The following ABCC5 variants were observed in gnomAD, a reference collection of about 807,000 sequenced individuals.
ABCC5 encodes ATP-binding cassette sub-family C member 5.
Under a neutral mutation model 160.9 loss-of-function variants are expected in ABCC5, and 61 were observed. The observed-to-expected ratio is 0.38, with a 90% CI of 0.31 to 0.47. The LOEUF (loss-of-function observed/expected upper bound fraction) is 0.47. Among genes scored for constraint, ABCC5 ranks in the 20% least tolerant of loss-of-function variants. The probability of loss-of-function intolerance (pLI) is 0.99; values close to 1 mark genes in which losing one functional copy is unlikely to be tolerated. For synonymous variants in ABCC5, 666 were observed against 700.6 expected (o/e 0.95, Z 0.78); for missense variants, 1,308 against 1,813.3 (o/e 0.72, Z 5.06).
intron 23 of ABCC5, 152 bp from the exon 24 acceptor site, chr3:183,946,091 G>T: frequency 1.4e-6 from 1 of 737,518 alleles, no homozygotes; most frequent in South Asian, 1.5e-5. Context: ...GGCTTTTAAG[G>T]CATACCTGTT....
At position 183,965,236 on chromosome 3, in the gene ABCC5, G is replaced by A; in HGVS notation, c.1980C>T (p.Ser660=). The change falls in exon 14 of 30, where the codon AGC becomes AGT. Residue 660 remains serine (S), a synonymous_variant. Transcript: ENST00000334444. The part of the protein sequence containing the change: ...DEERYNSVLN[S]CCLRPDLAIL... ...TGGCCAGGTCAGGCCTCAGGCAGCA[G>A]CTGTTCAGCACAGAGTTGTATCTGG... 1 of 1,614,270 alleles carries A rather than the reference G, an allele frequency of 6.2e-7. No individual in the cohort carries two copies. The highest frequency in any genetic ancestry group is 8.5e-7 in the Non-Finnish European group (1 of 1,180,056).
chr3:183,985,360 T>C, intron 5 of ABCC5: 7 of 1,614,082 alleles, frequency 4.3e-6, no homozygotes, highest in Non-Finnish European at 5.9e-6. Context: ...GACCGCAGAA[T>C]ACAGCCATCC....
intron 2 of ABCC5, among the ~76,000 whole-genome samples, chr3:184,004,269 G>C (rs1316752172): frequency 6.6e-6 from 1 of 151,526 alleles, no homozygotes; most frequent in Admixed American, 6.6e-5. Context: ...CCAGCACTTT[G>C]GGAGGCCCAG....
intron 2 of ABCC5, among the ~76,000 whole-genome samples, chr3:184,004,057 T>C (rs1318362505): frequency 1.3e-5 from 2 of 152,196 alleles, no homozygotes; most frequent in African/African-American, 4.8e-5. Flanking sequence ...ACTGATTTAA[T>C]TGGTCTGGAA....
At chr3:183,923,000 G>A (rs1712156662) in intron 29 of ABCC5, among the ~76,000 whole-genome samples, 1 of 152,148 alleles carries the variant, frequency 6.6e-6, no homozygotes, top group Admixed American at 6.5e-5. Context: ...CTTTTAGTCT[G>A]GTATTTTGTG....
At chr3:183,981,129 A>G (rs1396852459) in intron 8 of ABCC5, among the ~76,000 whole-genome samples, 1 of 152,190 alleles carries the variant, frequency 6.6e-6, no homozygotes, top group Non-Finnish European at 1.5e-5. Flanking sequence ...TAAATTAAGT[A>G]TCTATGTGTT....
rs762378059 is a variant in ABCC5, at chr3:183,953,309, G to T, written c.2483-39C>A. The stretch of plus-strand genomic sequence containing the variant: ...AAAGAAACATGGACTCAGAAGGGAA[G>T]AACTATTTCCATAAAACTAAGTCAC... On this transcript the variant is annotated intron_variant, in intron 17 of 29. Transcript: ENST00000334444. The T allele has an allele frequency of 1.9e-6, 3 of 1,551,320 alleles. No individual in the cohort carries two copies. The South Asian group carries it at 3.6e-5, about 19-fold the overall frequency.
At position 183,951,957 on chromosome 3, in the gene ABCC5, A is replaced by C. The variant is rs1306140698; in HGVS notation, c.2714T>G (p.Met905Arg). 4 of 1,612,974 alleles carry C rather than the reference A, an allele frequency of 2.5e-6. No individual in the cohort carries two copies. The East Asian group carries it at 8.9e-5, about 36-fold the overall frequency. ...RGNETSVSDS[M>R]KDNPHMQYYA... is the part of the protein sequence containing the mutation. ...GTACTGCATATGAGGATTGTCCTTC[A>C]TGCTGTCACTCACCGAGGTCTCGTT... The change falls in exon 19 of 30, where the codon ATG becomes AGG. Residue 905 changes from methionine to arginine, a missense_variant. Met to Arg is a moderately conservative substitution (Grantham distance 91). This residue lies in a region of ABCC5 where 1,142 missense variants were observed against 1,527.1 expected (regional missense o/e 0.75). Transcript: ENST00000334444. The surrounding 1 kb of genome is among the most constrained non-coding windows in gnomAD (Gnocchi z 4.7).
At chr3:183,983,921 G>T in intron 5 of ABCC5, 1 of 985,378 alleles carries the variant, frequency 1.0e-6, no homozygotes, top group Non-Finnish European at 1.2e-6. Context: ...GGTCTCCGAC[G>T]GTTGTTTAAC....
At chr3:183,942,612 G>C in intron 25 of ABCC5, 115 bp downstream of exon 25, 2 of 1,335,202 alleles carry the variant, frequency 1.5e-6, no homozygotes, top group Non-Finnish European at 2.1e-6. Context: ...TCAGTAGGGG[G>C]CTGAGACACT....
rs1722286246 is a variant in ABCC5, at chr3:184,017,491, C to G, written c.-56+339G>C. On this transcript the variant is annotated intron_variant, in intron 1 of 29. Transcript: ENST00000334444. The surrounding 1 kb of genome is among the most constrained non-coding windows in gnomAD (Gnocchi z 4.5). Reference sequence around the variant, plus strand: ...CCTAGGGCGTTCCCACAGCCCGCTCCGGCCTGCCCAGGCGAGCGCGACCCA... The same window carrying G: ...CCTAGGGCGTTCCCACAGCCCGCTCGGGCCTGCCCAGGCGAGCGCGACCCA... The G allele has an allele frequency of 2.0e-5, 3 of 152,134 alleles. No individual in the cohort carries two copies. In the South Asian group the frequency reaches 6.2e-4, roughly 31 times the overall value. 9.4% of individuals were successfully genotyped at this position (152,134 alleles called of 1,614,324 possible).
chr3:183,984,448 C>T (rs965686597), intron 5 of ABCC5: 6 of 1,016,312 alleles, frequency 5.9e-6, no homozygotes, highest in South Asian at 3.9e-5. Flanking sequence ...AAAATGGAGG[C>T]CAGACACCAC....
chr3:184,001,084 C>T, intron 2 of ABCC5: 1 of 408,622 alleles, frequency 2.4e-6, no homozygotes, highest in Non-Finnish European at 4.3e-6. Flanking sequence ...AAAACCCCAT[C>T]ACTATAAAAA....
intron 2 of ABCC5, among the ~76,000 whole-genome samples, chr3:184,001,938 A>C (rs1720776402): frequency 6.6e-6 from 1 of 152,218 alleles, no homozygotes; most frequent in Non-Finnish European, 1.5e-5. Context: ...CTTAAAGGGA[A>C]AAATACTGGC....
intron 12 of ABCC5, 48 bp downstream of exon 12, chr3:183,967,647 T>C (rs998647508): frequency 6.5e-7 from 1 of 1,535,852 alleles, no homozygotes; most frequent in Admixed American, 1.7e-5. Flanking sequence ...CCTGAGACTC[T>C]TGCAAACCAG....
At chr3:183,960,929 G>A (rs1378723329) in intron 16 of ABCC5, among the ~76,000 whole-genome samples, 1 of 151,982 alleles carries the variant, frequency 6.6e-6, no homozygotes, top group Non-Finnish European at 1.5e-5. Context: ...GGGATTACAG[G>A]CGCCTGCCAC....
chr3:183,979,547 A>G (rs774802976), intron 8 of ABCC5, among the ~76,000 whole-genome samples: 1 of 152,222 alleles, frequency 6.6e-6, no homozygotes, highest in Non-Finnish European at 1.5e-5. Flanking sequence ...AAGCAACCAT[A>G]GTGTACTGAA....
At chr3:184,009,038 T>A (rs1247378543) in intron 2 of ABCC5, among the ~76,000 whole-genome samples, 4 of 152,152 alleles carry the variant, frequency 2.6e-5, no homozygotes, top group Non-Finnish European at 5.9e-5. Flanking sequence ...TTTTTATTTT[T>A]ATTTTTTTGT....
intron 2 of ABCC5, among the ~76,000 whole-genome samples, chr3:183,994,454 C>A (rs1411477396): frequency 6.6e-6 from 1 of 152,040 alleles, no homozygotes; most frequent in East Asian, 1.9e-4. Context: ...CGGGTCACTG[C>A]AACCTCCGCC....
Sources: gnomAD v4.1 joint callset for allele counts (sites outside exome capture counted in the v4.1 genomes callset) on GRCh38, gnomAD v4.1.1 for gene constraint, gnomAD v4.1.1 regional missense constraint, Gnocchi (gnomAD v3.1) non-coding constraint, MANE v1.5 for transcripts, NCBI Gene and HGNC (gene_info 2026-07-23, HGNC 2026-07-21) for gene names.